RYR2: variants seen among roughly 807,000 people sequenced by gnomAD.
RYR2 encodes cardiac muscle ryanodine receptor-calcium release channel.
RYR2 carries 227 observed loss-of-function variants against 601.1 expected under a neutral mutation model. The ratio of observed to expected loss-of-function variants is 0.38; its 90% CI spans 0.34 to 0.42. RYR2 has a LOEUF of 0.42. Ranked by LOEUF, RYR2 falls within the 10% of genes least tolerant of loss-of-function variation. The pLI is 1.00. For missense variants in RYR2, 4,646 were observed against 6,156.5 expected, an observed-to-expected ratio of 0.75 and a Z score of 8.21; for synonymous variants, 2,223 against 2,175.1, an observed-to-expected ratio of 1.02 and a Z score of -0.61.
chr1:237,638,280 C>A (rs1007249107), intron 44 of RYR2, 77 bp from the exon 45 acceptor site: 5 of 1,587,760 alleles, frequency 3.1e-6, no homozygotes, highest in Middle Eastern at 1.7e-4. Flanking sequence ...TTAAGGATGT[C>A]ATTTATTGTA....
chr1:237,203,036 G>T (rs1025836421), intron 1 of RYR2, among the ~76,000 whole-genome samples: 2 of 152,200 alleles, frequency 1.3e-5, no homozygotes, highest in African/African-American at 4.8e-5. Context: ...CTGTGGCCCA[G>T]ACAGCAGCTT....
intron 40 of RYR2, 126 bp from the exon 41 acceptor site, chr1:237,627,680 TA>T: frequency 1.1e-6 from 1 of 923,472 alleles, no homozygotes; most frequent in East Asian, 2.7e-5. Flanking sequence ...AAAGAATATC[TA>T]GAGCCTTTTC....
intron 10 of RYR2, among the ~76,000 whole-genome samples, chr1:237,413,086 G>A (rs1704603952): frequency 6.6e-6 from 1 of 152,062 alleles, no homozygotes; most frequent in Non-Finnish European, 1.5e-5. Context: ...TTGATATTGT[G>A]GTGCCAATTT....
At chr1:237,119,511 C>T (rs1178166914) in intron 1 of RYR2, among the ~76,000 whole-genome samples, 2 of 152,090 alleles carry the variant, frequency 1.3e-5, no homozygotes, top group African/African-American at 2.4e-5. Context: ...CACACTGGGC[C>T]CCAGGTGTCC....
At chr1:237,392,258 C>T (rs938107768) in intron 10 of RYR2, among the ~76,000 whole-genome samples, 2 of 151,950 alleles carry the variant, frequency 1.3e-5, no homozygotes, top group African/African-American at 2.4e-5. Context: ...TAGGCTTTTG[C>T]ACAACAGGGT....
rs1660018365 is a variant in RYR2 at position 237,042,432 on chromosome 1, C to A, written c.-90C>A. 1.7e-6 allele frequency: 2 copies of A among 1,171,694 alleles called. No individual in the cohort carries two copies. The highest frequency in any genetic ancestry group is 2.1e-6 in the Non-Finnish European group (2 of 930,408). The allele number at this position is 1,171,694 out of a possible 1,614,324, so 72.6% of individuals were successfully genotyped here. On this transcript the variant is annotated 5_prime_UTR_variant, in exon 1 of 105. Coordinates refer to ENST00000366574, the MANE Select transcript of RYR2 (RefSeq NM_001035.3). ...GCCCCCTCCAGCCCCCGGCTCCCGG[C>A]AGCAGAAGCAGAAGGCAGCGCCAGG...
chr1:237,098,289 T>C (rs1485105767), intron 1 of RYR2, among the ~76,000 whole-genome samples: 1 of 152,128 alleles, frequency 6.6e-6, no homozygotes, highest in Admixed American at 6.6e-5. Flanking sequence ...TTGCATATAC[T>C]CAAAATGTAC....
chr1:237,816,201 T>A (rs747837019), intron 100 of RYR2, among the ~76,000 whole-genome samples: 46 of 151,990 alleles, frequency 3.0e-4, no homozygotes, highest in Non-Finnish European at 5.6e-4. Context: ...CAGAACCAGG[T>A]ATACTATCCA....
At chr1:237,586,599 A>C (rs941834084) in intron 29 of RYR2, among the ~76,000 whole-genome samples, 1 of 152,226 alleles carries the variant, frequency 6.6e-6, no homozygotes, top group Non-Finnish European at 1.5e-5. Context: ...TCTGTCTGCC[A>C]TCTTCTTAGA....
At position 237,801,934 on chromosome 1, in the gene RYR2, T is replaced by A. The variant is rs779578669; in HGVS notation, c.14151+18T>A. The A allele has an allele frequency of 2.6e-6, 4 of 1,523,410 alleles. No homozygotes were observed. Among genetic ancestry groups the A allele is most frequent in the Non-Finnish European group, 3.6e-6 (4 of 1,099,736 alleles). 94.4% of individuals were successfully genotyped at this position (1,523,410 alleles called of 1,614,324 possible). ...CTGACAACGTAAGCCTACTTCATTA[T>A]CACAAAAGAAAATGCACTCTGATTA... On this transcript the variant is annotated intron_variant, in intron 98 of 104. Coordinates refer to ENST00000366574, the MANE Select transcript of RYR2 (RefSeq NM_001035.3).
intron 1 of RYR2, among the ~76,000 whole-genome samples, chr1:237,177,792 G>T (rs568788468): frequency 6.6e-6 from 1 of 152,202 alleles, no homozygotes; most frequent in East Asian, 1.9e-4. Flanking sequence ...TTTCTTTAGG[G>T]TTTATACCTA....
At chr1:237,654,604 A>G (rs1269647942) in intron 52 of RYR2, among the ~76,000 whole-genome samples, 190 bp downstream of exon 52, 1 of 152,210 alleles carries the variant, frequency 6.6e-6, no homozygotes, top group Non-Finnish European at 1.5e-5. Flanking sequence ...TCATTGTGGT[A>G]GCATTTTCCT....
At chr1:237,750,496 G>A (rs1423763786) in intron 80 of RYR2, among the ~76,000 whole-genome samples, 5 of 150,416 alleles carry the variant, frequency 3.3e-5, no homozygotes, top group African/African-American at 1.2e-4. Context: ...ATAATATAAT[G>A]AACTTTATAT....
chr1:237,289,532 A>G (rs1346048265), intron 2 of RYR2, among the ~76,000 whole-genome samples: 1 of 152,156 alleles, frequency 6.6e-6, no homozygotes, highest in South Asian at 2.1e-4. Flanking sequence ...GCAAAGAGGG[A>G]AAAGGACCTT....
intron 96 of RYR2, among the ~76,000 whole-genome samples, chr1:237,795,875 C>T (rs1311292371): frequency 2.6e-3 from 237 of 90,986 alleles, no homozygotes; most frequent in African/African-American, 8.1e-3. Flanking sequence ...TATATATATA[C>T]ACATATATAT....
chr1:237,297,249 G>A (rs1251798389), intron 2 of RYR2, among the ~76,000 whole-genome samples: 2 of 152,108 alleles, frequency 1.3e-5, no homozygotes, highest in Non-Finnish European at 2.9e-5. Flanking sequence ...ATGAAGAAAA[G>A]GAGGGAAAGA....
chr1:237,473,438 T>C (rs571575196), intron 17 of RYR2, among the ~76,000 whole-genome samples: 4 of 97,328 alleles, frequency 4.1e-5, no homozygotes, highest in South Asian at 3.4e-4. Flanking sequence ...TCTCTCTTTC[T>C]TTCTTTCTTT....
At chr1:237,465,701 C>A (rs1272626273) in intron 16 of RYR2, among the ~76,000 whole-genome samples, 1 of 152,158 alleles carries the variant, frequency 6.6e-6, no homozygotes, top group Non-Finnish European at 1.5e-5. Context: ...ACTGGATGGC[C>A]TACTGCGCGT....
intron 2 of RYR2, among the ~76,000 whole-genome samples, chr1:237,285,467 A>G (rs756436236): frequency 4.6e-5 from 7 of 152,118 alleles, no homozygotes; most frequent in Non-Finnish European, 8.8e-5. Context: ...TTCATCAAGG[A>G]TATCAGTCTG....
Sources: gnomAD v4.1 joint callset for allele counts (sites outside exome capture counted in the v4.1 genomes callset) on GRCh38, gnomAD v4.1.1 for gene constraint, MANE v1.5 for transcripts, NCBI Gene and HGNC (gene_info 2026-07-23, HGNC 2026-07-21) for gene names.